SNAP25: variants seen among roughly 807,000 people sequenced by gnomAD.
SNAP25 encodes the protein synaptosome associated protein 25, also known as synaptosomal-associated protein 25.
SNAP25 carries 3 observed loss-of-function variants against 28.7 expected under a neutral mutation model. The ratio of observed to expected loss-of-function variants is 0.10; its 90% CI spans 0.05 to 0.27. The LOEUF (loss-of-function observed/expected upper bound fraction) is 0.27, where lower values mean the gene tolerates loss of function less well. SNAP25 is among the 10% of genes least tolerant of loss of function. SNAP25 has a pLI of 1.00. For synonymous variants in SNAP25, 61 were observed against 88.1 expected (o/e 0.69, Z 1.72); for missense variants, 117 against 278.7 (o/e 0.42, Z 4.13).
intron 1 of SNAP25, among the ~76,000 whole-genome samples, chr20:10,224,269 T>C (rs1312732516): frequency 4.1e-5 from 5 of 121,162 alleles, no homozygotes; most frequent in Non-Finnish European, 7.2e-5. Flanking sequence ...TTTTTTTTTT[T>C]TTTTTTTTTT....
intron 1 of SNAP25, among the ~76,000 whole-genome samples, chr20:10,225,295 A>G (rs1156941151): frequency 6.6e-6 from 1 of 151,956 alleles, no homozygotes; most frequent in African/African-American, 2.4e-5. Flanking sequence ...TCTTTCCACC[A>G]AGGTAAAACA....
In SNAP25 at chr20:10,261,128, T is replaced by C. The variant is rs555267013; in HGVS notation, c.-63-14301T>C. On this transcript the variant is annotated intron_variant, in intron 1 of 7. Coordinates refer to ENST00000254976, the MANE Select transcript of SNAP25 (RefSeq NM_130811.4). ...TATCTATTCCTTGCAGTAACCAGAG[T>C]CATGCTCTGTCTTCTTTTCTCCAAG... Among the ~76,000 whole-genome samples the C allele has an allele frequency of 3.9e-5, 6 of 152,102 alleles. No individual in the cohort carries two copies. In the South Asian group the frequency reaches 6.2e-4, roughly 16 times the overall value.
chr20:10,247,962 G>T (rs2063157960), intron 1 of SNAP25, among the ~76,000 whole-genome samples: 1 of 152,192 alleles, frequency 6.6e-6, no homozygotes. Flanking sequence ...AGGGCTCGTT[G>T]GTTTAGAGTG....
chr20:10,280,081 A>G (rs2063753652), intron 3 of SNAP25, among the ~76,000 whole-genome samples: 1 of 152,236 alleles, frequency 6.6e-6, no homozygotes, highest in Admixed American at 6.5e-5. Context: ...TGACAGCGCC[A>G]TATAATCTGA....
At chr20:10,240,824 C>A (rs1198208616) in intron 1 of SNAP25, among the ~76,000 whole-genome samples, 1 of 152,216 alleles carries the variant, frequency 6.6e-6, no homozygotes, top group East Asian at 1.9e-4. Context: ...GCTAGGCTCG[C>A]AGAGCCCTGG....
intron 1 of SNAP25, among the ~76,000 whole-genome samples, chr20:10,227,530 T>C (rs1403308327): frequency 1.3e-5 from 2 of 152,150 alleles, no homozygotes; most frequent in Non-Finnish European, 2.9e-5. Context: ...ATCCTAAATA[T>C]TGGAATAAAA....
chr20:10,304,258 C>T (rs1357353013), intron 7 of SNAP25, among the ~76,000 whole-genome samples: 2 of 152,160 alleles, frequency 1.3e-5, no homozygotes, highest in Non-Finnish European at 2.9e-5. Context: ...AATAATAGTA[C>T]ACACTTTATA....
At chr20:10,257,910 C>T (rs1330691107) in intron 1 of SNAP25, among the ~76,000 whole-genome samples, 1 of 151,014 alleles carries the variant, frequency 6.6e-6, no homozygotes, top group African/African-American at 2.4e-5. Flanking sequence ...AAAAAGTTCA[C>T]CTGCTAGCTG....
At chr20:10,278,942 G>A (rs2063736301) in intron 3 of SNAP25, among the ~76,000 whole-genome samples, 1 of 134,034 alleles carries the variant, frequency 7.5e-6, no homozygotes, top group Non-Finnish European at 1.6e-5. Flanking sequence ...GGGTGGGAGG[G>A]TGGGGCGAAC....
intron 1 of SNAP25, among the ~76,000 whole-genome samples, chr20:10,268,999 C>A (rs2063549980): frequency 9.3e-6 from 1 of 107,846 alleles, no homozygotes; most frequent in Admixed American, 9.1e-5. Flanking sequence ...CACCCTATAA[C>A]CTTGCAATCA....
chr20:10,248,179 C>A (rs1278224056), intron 1 of SNAP25, among the ~76,000 whole-genome samples: 1 of 152,202 alleles, frequency 6.6e-6, no homozygotes, highest in African/African-American at 2.4e-5. Flanking sequence ...ATCAAACACA[C>A]ATGTGTGCAC....
intron 1 of SNAP25, among the ~76,000 whole-genome samples, chr20:10,220,976 A>T (rs1223335777): frequency 6.6e-6 from 1 of 152,168 alleles, no homozygotes; most frequent in Non-Finnish European, 1.5e-5. Context: ...TTTTGCATGG[A>T]TGTAAAATTA....
intron 1 of SNAP25, among the ~76,000 whole-genome samples, chr20:10,273,512 G>A (rs1361429484): frequency 6.6e-6 from 1 of 152,156 alleles, no homozygotes; most frequent in Non-Finnish European, 1.5e-5. Context: ...GATATGGAGG[G>A]CCCAAGTTCC....
intron 1 of SNAP25, among the ~76,000 whole-genome samples, chr20:10,252,212 C>T (rs148879415): frequency 0.011 from 1,628 of 152,276 alleles, 31 homozygotes; most frequent in African/African-American, 0.036. Flanking sequence ...GACTATATGT[C>T]AGAGATTTAC....
At chr20:10,253,532 C>T (rs2063266711) in intron 1 of SNAP25, among the ~76,000 whole-genome samples, 1 of 152,152 alleles carries the variant, frequency 6.6e-6, no homozygotes, top group Non-Finnish European at 1.5e-5. Flanking sequence ...TATCACATAC[C>T]AGGATCTATA....
intron 1 of SNAP25, among the ~76,000 whole-genome samples, chr20:10,230,961 T>C (rs2062819496): frequency 6.6e-6 from 1 of 152,122 alleles, no homozygotes; most frequent in African/African-American, 2.4e-5. Context: ...AGTGGCCCAA[T>C]CCCAGCCCCC....
At chr20:10,277,515 T>C (rs1568611092) in intron 2 of SNAP25, among the ~76,000 whole-genome samples, 170 bp from the exon 3 acceptor site, 1 of 152,218 alleles carries the variant, frequency 6.6e-6, no homozygotes, top group Non-Finnish European at 1.5e-5. Context: ...AAAAGCCTGA[T>C]AGGAAAGAGT....
At chr20:10,260,716 CACACACAA>C (rs1350412136) in intron 1 of SNAP25, among the ~76,000 whole-genome samples, 37 of 147,622 alleles carry the variant, frequency 2.5e-4, no homozygotes, top group East Asian at 1.4e-3. Flanking sequence ...CACACACACA[CACACACAA>C]ACACACACAC....
chr20:10,237,034 T>C (rs2062936692), intron 1 of SNAP25, among the ~76,000 whole-genome samples: 1 of 152,152 alleles, frequency 6.6e-6, no homozygotes, highest in South Asian at 2.1e-4. Flanking sequence ...TGTCCTAGGT[T>C]GAGCCCTCCC....
Sources: allele counts gnomAD v4.1 joint callset (sites outside exome capture counted in the v4.1 genomes callset), GRCh38; gene constraint gnomAD v4.1.1; transcripts MANE v1.5; gene names NCBI Gene and HGNC (gene_info 2026-07-23, HGNC 2026-07-21).